NRCAM: variants seen among roughly 807,000 people sequenced by gnomAD.
NRCAM encodes NgCAM-related cell adhesion molecule.
A neutral mutation model predicts 156.5 loss-of-function variants in NRCAM; 83 were observed. The observed-to-expected ratio is 0.53, with a 90% confidence interval of 0.44 to 0.64. The LOEUF (loss-of-function observed/expected upper bound fraction) is 0.64, where lower values mean the gene tolerates loss of function less well. NRCAM is among the 30% of genes least tolerant of loss of function. The pLI is 0.00. For missense variants in NRCAM, 1,417 were observed against 1,597.3 expected, an observed-to-expected ratio of 0.89 and a Z score of 1.92; for synonymous variants, 538 against 563.9, an observed-to-expected ratio of 0.95 and a Z score of 0.65.
At chr7:108,408,735 G>C (rs1312973787) in intron 1 of NRCAM, among the ~76,000 whole-genome samples, 2 of 152,208 alleles carry the variant, frequency 1.3e-5, no homozygotes, top group African/African-American at 2.4e-5. Flanking sequence ...GTTTGGAACT[G>C]CACCCAGCTG....
intron 2 of NRCAM, among the ~76,000 whole-genome samples, chr7:108,353,457 C>T (rs572530886): frequency 2.0e-5 from 3 of 151,354 alleles, no homozygotes; most frequent in Admixed American, 1.3e-4. Context: ...GTAGTTAGAG[C>T]TACAGGCATG....
chr7:108,202,299 T>G (rs114542340), intron 13 of NRCAM, among the ~76,000 whole-genome samples: 2,253 of 152,226 alleles, frequency 0.015, 48 homozygotes, highest in African/African-American at 0.047. Flanking sequence ...ATAATGAGAA[T>G]AATAATAATA....
rs530909924 is a variant in NRCAM, at chr7:108,219,418, T to C, written c.890+4307A>G. Among the ~76,000 whole-genome samples the C allele has an allele frequency of 9.2e-5, 14 of 152,234 alleles. No individual in the cohort carries two copies. In the East Asian group the frequency reaches 2.5e-3, roughly 27 times the overall value. ...ACCAAAAAAAGAAACTATGGACTGA[T>C]ATCCCTGAGGAACATAGATGCTAAA... On this transcript the variant is annotated intron_variant, in intron 11 of 32. Transcript: ENST00000379028.
At chr7:108,337,482 G>A (rs766111777) in intron 2 of NRCAM, among the ~76,000 whole-genome samples, 4 of 152,268 alleles carry the variant, frequency 2.6e-5, no homozygotes, top group Middle Eastern at 6.8e-3. Context: ...GGTGTCTGCT[G>A]TGCTCCTGAT....
intron 10 of NRCAM, among the ~76,000 whole-genome samples, chr7:108,224,433 G>A (rs2093051739): frequency 6.6e-6 from 1 of 152,062 alleles, no homozygotes; most frequent in South Asian, 2.1e-4. Flanking sequence ...TAATGGTGGA[G>A]TTAAATAAAT....
intron 28 of NRCAM, among the ~76,000 whole-genome samples, chr7:108,171,350 T>C (rs901664764): frequency 1.3e-5 from 2 of 152,214 alleles, no homozygotes; most frequent in South Asian, 2.1e-4. Context: ...AAAGCATTCA[T>C]GGCCCTTCAG....
intron 1 of NRCAM, among the ~76,000 whole-genome samples, chr7:108,440,665 T>A (rs1460614520): frequency 1.3e-5 from 2 of 152,192 alleles, no homozygotes; most frequent in Non-Finnish European, 2.9e-5. Flanking sequence ...GTGGCTCCAT[T>A]TTGAGCTTCC....
At chr7:108,271,537 T>C (rs2097350496) in intron 3 of NRCAM, among the ~76,000 whole-genome samples, 2 of 152,014 alleles carry the variant, frequency 1.3e-5, no homozygotes, top group South Asian at 2.1e-4. Context: ...CTACTAAAAA[T>C]ACAAAATTAG....
chr7:108,309,963 A>C (rs2098778718), intron 3 of NRCAM, among the ~76,000 whole-genome samples: 2 of 152,152 alleles, frequency 1.3e-5, no homozygotes, highest in African/African-American at 2.4e-5. Flanking sequence ...TTATAAGATA[A>C]AAGTCTTTTT....
chr7:108,222,047 C>T (rs1318497565), intron 11 of NRCAM, among the ~76,000 whole-genome samples: 1 of 151,648 alleles, frequency 6.6e-6, no homozygotes, highest in Non-Finnish European at 1.5e-5. Flanking sequence ...GATGAAATAG[C>T]TTCTAGAATT....
chr7:108,154,530 C>T (rs1056930396), intron 32 of NRCAM, among the ~76,000 whole-genome samples: 4 of 148,578 alleles, frequency 2.7e-5, no homozygotes, highest in Non-Finnish European at 4.4e-5. Flanking sequence ...GCCAGCTTAA[C>T]GGCTGTGGTG....
chr7:108,159,299 T>C, intron 32 of NRCAM, 164 bp downstream of exon 32: 1 of 758,136 alleles, frequency 1.3e-6, no homozygotes, highest in Non-Finnish European at 2.4e-6. Flanking sequence ...AATGAAAATG[T>C]TTGACCATGA....
At chr7:108,332,923 T>C (rs926457261) in intron 2 of NRCAM, among the ~76,000 whole-genome samples, 2 of 151,946 alleles carry the variant, frequency 1.3e-5, no homozygotes, top group Non-Finnish European at 2.9e-5. Flanking sequence ...GAGATAGAAA[T>C]AAGAAGAGAA....
intron 2 of NRCAM, among the ~76,000 whole-genome samples, chr7:108,388,676 G>T (rs183364995): frequency 2.0e-5 from 3 of 152,088 alleles, no homozygotes; most frequent in African/African-American, 7.2e-5. Flanking sequence ...TTTCTTCTAG[G>T]GTTTTTATGG....
At chr7:108,383,138 T>TCACACACACACACA (rs1554584665) in intron 2 of NRCAM, among the ~76,000 whole-genome samples, 2 of 113,644 alleles carry the variant, frequency 1.8e-5, no homozygotes, top group African/African-American at 3.6e-5. Context: ...ACACACGCTC[T>TCACACACACACACA]CACACACACA....
intron 2 of NRCAM, among the ~76,000 whole-genome samples, chr7:108,348,432 C>T (rs550387987): frequency 2.0e-5 from 3 of 152,148 alleles, no homozygotes; most frequent in South Asian, 4.2e-4. Context: ...TGGCTGTTAT[C>T]CTTGGGCAGG....
intron 13 of NRCAM, among the ~76,000 whole-genome samples, chr7:108,203,874 T>A (rs1169854788): frequency 6.6e-6 from 1 of 152,220 alleles, no homozygotes; most frequent in Admixed American, 6.5e-5. Context: ...CAGCTTGTGC[T>A]CCCAGCTCAC....
intron 2 of NRCAM, among the ~76,000 whole-genome samples, chr7:108,383,446 A>C (rs2099710793): frequency 6.6e-6 from 1 of 152,240 alleles, no homozygotes. Flanking sequence ...CCAGAACGAT[A>C]CTTCCATTTC....
chr7:108,418,729 T>C (rs759333745), intron 1 of NRCAM, among the ~76,000 whole-genome samples: 7 of 152,204 alleles, frequency 4.6e-5, no homozygotes, highest in Non-Finnish European at 1.0e-4. Flanking sequence ...ATACTTAACA[T>C]GATTGATTAA....
Sources: allele counts gnomAD v4.1 joint callset (sites outside exome capture counted in the v4.1 genomes callset), GRCh38; gene constraint gnomAD v4.1.1; transcripts MANE v1.5; gene names NCBI Gene and HGNC (gene_info 2026-07-23, HGNC 2026-07-21).